Variants in PANK2 observed in about 807,000 individuals in gnomAD.
PANK2 encodes pantothenate kinase 2, mitochondrial.
PANK2 carries 36 observed loss-of-function variants against 43.1 expected under a neutral mutation model. The ratio of observed to expected loss-of-function variants is 0.84; its 90% CI spans 0.64 to 1.10. The LOEUF is 1.10. Ranked by LOEUF, PANK2 falls within the 50% of genes least tolerant of loss-of-function variation. The probability of loss-of-function intolerance (pLI) is 0.00; values close to 1 mark genes in which losing one functional copy is unlikely to be tolerated. For synonymous variants in PANK2, 281 were observed against 238.2 expected, an observed-to-expected ratio of 1.18 and a Z score of -1.66; for missense variants, 576 against 593.3, an observed-to-expected ratio of 0.97 and a Z score of 0.30.
At chr20:3,911,443 C>T (rs751563202) in intron 3 of PANK2, among the ~76,000 whole-genome samples, 4 of 149,176 alleles carry the variant, frequency 2.7e-5, no homozygotes, top group East Asian at 2.0e-4. Flanking sequence ...ATTAGCCGGG[C>T]GCAGTGGCAG....
intron 1 of PANK2, among the ~76,000 whole-genome samples, chr20:3,902,400 G>A (rs1376296598): frequency 1.3e-5 from 2 of 151,502 alleles, no homozygotes; most frequent in Non-Finnish European, 2.9e-5. Context: ...GACAATCTTG[G>A]CTCACTGCGA....
At chr20:3,922,980 C>A (rs554381580) in intron 6 of PANK2, among the ~76,000 whole-genome samples, 1 of 152,188 alleles carries the variant, frequency 6.6e-6, no homozygotes, top group Admixed American at 6.6e-5. Flanking sequence ...CTCATAGCTC[C>A]TGTCGCCCTC....
chr20:3,923,501 A>G lies in PANK2; in HGVS notation c.*207A>G. On this transcript the variant is annotated 3_prime_UTR_variant, in exon 7 of 7. Transcript: ENST00000610179. ...AGGAAAAATATATTAAAAACAACAAAAAAGTGGCACATGTCCAGGCAGTGT... is the reference window on the plus strand; with the variant it reads ...AGGAAAAATATATTAAAAACAACAAGAAAGTGGCACATGTCCAGGCAGTGT... 1 of 608,344 alleles carries G rather than the reference A, an allele frequency of 1.6e-6. No homozygotes were observed. Among genetic ancestry groups the G allele is most frequent in the East Asian group, 2.8e-5 (1 of 35,646 alleles). 37.7% of individuals were successfully genotyped at this position (608,344 alleles called of 1,614,324 possible). A position where few individuals can be genotyped will look rare whatever the true frequency, so the allele number is the denominator to read the frequency against.
intron 2 of PANK2, 115 bp downstream of exon 2, chr20:3,908,393 A>G (rs948268886): frequency 2.8e-6 from 3 of 1,061,980 alleles, no homozygotes; most frequent in Non-Finnish European, 4.1e-6. Flanking sequence ...TTCTTGAGTC[A>G]AATGAAGATT....
intron 1 of PANK2, among the ~76,000 whole-genome samples, chr20:3,895,615 T>G (rs925339616): frequency 1.3e-5 from 2 of 151,870 alleles, no homozygotes; most frequent in Admixed American, 6.6e-5. Context: ...AGCGGTGATG[T>G]TTTTTGGACT....
In PANK2 at chr20:3,928,011, G is replaced by T. The variant is rs544153769; in HGVS notation, c.*4717G>T. ...CTACACAAGCCCCTCTTTTTCTTCT[G>T]ATATCCCCACTCAAATGGAAGCACA... On this transcript the variant is annotated 3_prime_UTR_variant, in exon 7 of 7. Coordinates refer to ENST00000610179, the MANE Select transcript of PANK2 (RefSeq NM_001386393.1). 1 of 152,082 alleles carries T rather than the reference G, an allele frequency of 6.6e-6. No individual in the cohort carries two copies. Among genetic ancestry groups the T allele is most frequent in the East Asian group, 1.9e-4 (1 of 5,192 alleles). The allele number at this position is 152,082 out of a possible 1,614,324, so 9.4% of individuals were successfully genotyped here.
At chr20:3,903,827 C>G (rs567309723) in intron 1 of PANK2, among the ~76,000 whole-genome samples, 1 of 151,954 alleles carries the variant, frequency 6.6e-6, no homozygotes, top group Non-Finnish European at 1.5e-5. Flanking sequence ...CGTGGTTTCA[C>G]CATATTGGTC....
At chr20:3,919,765 T>C (rs2090619439) in intron 6 of PANK2, among the ~76,000 whole-genome samples, 1 of 152,228 alleles carries the variant, frequency 6.6e-6, no homozygotes. Context: ...GATACTGTTA[T>C]TATGAACATT....
rs2090076760 is a variant in PANK2, at chr20:3,889,517, T to G, written c.87T>G (p.Ala29=). 3 of 1,440,438 alleles carry G rather than the reference T, an allele frequency of 2.1e-6. No individual in the cohort carries two copies. The East Asian group carries it at 8.2e-5, about 39-fold the overall frequency. 89.2% of individuals were successfully genotyped at this position (1,440,438 alleles called of 1,614,324 possible). A position where few individuals can be genotyped will look rare whatever the true frequency, so the allele number is the denominator to read the frequency against. The change falls in exon 1 of 7, where the codon GCT becomes GCG. Residue 29 remains alanine (A), a synonymous_variant. Coordinates refer to ENST00000610179, the MANE Select transcript of PANK2 (RefSeq NM_001386393.1). Reference sequence around the variant, plus strand: ...CGCCCATGGAGCGCCACGGCAGGGCTTCCGCCACCTCCGTCTCGTCGGCTG... The same window carrying G: ...CGCCCATGGAGCGCCACGGCAGGGCGTCCGCCACCTCCGTCTCGTCGGCTG...
In PANK2 at chr20:3,923,941, G is replaced by A. The variant is rs1310068267; in HGVS notation, c.*647G>A. The A allele has an allele frequency of 6.4e-6, 1 of 155,396 alleles. No homozygotes were observed. The highest frequency in any genetic ancestry group is 2.4e-5 in the African/African-American group (1 of 41,460). The allele number at this position is 155,396 out of a possible 1,614,324, so 9.6% of individuals were successfully genotyped here. A position where few individuals can be genotyped will look rare whatever the true frequency, so the allele number is the denominator to read the frequency against. Reference sequence around the variant, plus strand: ...TCTTGGCAGAATTTCCTTGGGTAGTGGGCGGACTGTTCTGATGCAAGTGGG... The same window carrying A: ...TCTTGGCAGAATTTCCTTGGGTAGTAGGCGGACTGTTCTGATGCAAGTGGG... On this transcript the variant is annotated 3_prime_UTR_variant, in exon 7 of 7. Transcript: ENST00000610179.
At chr20:3,918,543 C>A in intron 5 of PANK2, 128 bp from the exon 6 acceptor site, 1 of 1,300,860 alleles carries the variant, frequency 7.7e-7, no homozygotes, top group Non-Finnish European at 1.1e-6. Flanking sequence ...CCTGGACCAA[C>A]TGGACTAAAT....
At chr20:3,921,284 A>T (rs1341802046) in intron 6 of PANK2, 1 of 149,870 alleles carries the variant, frequency 6.7e-6, no homozygotes, top group Non-Finnish European at 1.5e-5. Flanking sequence ...CAGAACTTTG[A>T]TTATTTTAGC....
Position 3,889,427 on chromosome 20 carries a change from G to GCGGGAGGGAGGGAAAATGGC in PANK2, c.-4_-3insCGGGAGGGAGGGAAAATGGC. ...CCGCGGAGGAGGCGAGAAGGAATCC[G>GCGGGAGGGAGGGAAAATGGC]ACGCTGGGGGGCTTGCTCGGGCGGC... On this transcript the variant is annotated 5_prime_UTR_variant, in exon 1 of 7. In the 5' UTR this introduces an upstream ATG that the reference lacks. Coordinates refer to ENST00000610179, the MANE Select transcript of PANK2 (RefSeq NM_001386393.1). 6.4e-7 allele frequency: 1 copy of GCGGGAGGGAGGGAAAATGGC among 1,565,506 alleles called. No homozygotes were observed. Among genetic ancestry groups the GCGGGAGGGAGGGAAAATGGC allele is most frequent in the East Asian group, 2.3e-5 (1 of 42,744 alleles).
upstream of PANK2, chr20:3,889,137 T>G (rs971003044): frequency 5.1e-6 from 8 of 1,565,184 alleles, no homozygotes; most frequent in Non-Finnish European, 5.2e-6. Context: ...ACGCGTCCAT[T>G]GGGCGGCGCC....
At chr20:3,893,781 C>G (rs2090160015) in intron 1 of PANK2, among the ~76,000 whole-genome samples, 1 of 152,056 alleles carries the variant, frequency 6.6e-6, no homozygotes, top group African/African-American at 2.4e-5. Context: ...AGCCGGGGCC[C>G]TGTTAGGCTG....
At chr20:3,908,637 C>G (rs2090424575) in intron 2 of PANK2, 1 of 242,496 alleles carries the variant, frequency 4.1e-6, no homozygotes, top group Non-Finnish European at 8.2e-6. Context: ...TGTTTTCAGT[C>G]TTGTCTACCA....
Position 3,889,430 on chromosome 20 carries a change from G to A in PANK2, c.-1G>A, listed in dbSNP as rs1174889771. 2.6e-6 allele frequency: 4 copies of A among 1,564,114 alleles called. No individual in the cohort carries two copies. The African/African-American group carries it at 5.4e-5, about 21-fold the overall frequency. ...CGGAGGAGGCGAGAAGGAATCCGAC[G>A]CTGGGGGGCTTGCTCGGGCGGCAGC... On this transcript the variant is annotated 5_prime_UTR_variant, in exon 1 of 7. Coordinates refer to ENST00000610179, the MANE Select transcript of PANK2 (RefSeq NM_001386393.1).
Position 3,889,636 on chromosome 20 carries a change from C to T in PANK2, c.206C>T (p.Ala69Val), listed in dbSNP as rs2090080303. The T allele has an allele frequency of 6.4e-7, 1 of 1,574,170 alleles. No homozygotes were observed. The change falls in exon 1 of 7, where the codon GCT becomes GTT. Residue 69 changes from alanine to valine, a missense_variant. Around this residue, in one of 2 missense-constraint regions of PANK2, gnomAD observed 544 missense variants for 528.9 expected, o/e 1.03. Transcript: ENST00000610179. ...TCGGTGCCCGCGGTCGGGGCCTCGG[C>T]TGAGGGCACGAGGCGGGATCGACTG...
intron 1 of PANK2, among the ~76,000 whole-genome samples, chr20:3,893,012 C>T (rs1174789558): frequency 6.6e-6 from 1 of 152,072 alleles, no homozygotes; most frequent in African/African-American, 2.4e-5. Context: ...TGATGGAAAC[C>T]AAGACGCTAA....
Sources: allele counts gnomAD v4.1 joint callset (sites outside exome capture counted in the v4.1 genomes callset), GRCh38; gene constraint gnomAD v4.1.1; regional missense constraint gnomAD v4.1.1; transcripts MANE v1.5; gene names NCBI Gene and HGNC (gene_info 2026-07-23, HGNC 2026-07-21).